Variants in CXXC4 observed in about 807,000 individuals in gnomAD.
The protein encoded by CXXC4 is CXXC finger protein 4.
A neutral mutation model predicts 20.5 loss-of-function variants in CXXC4; 5 were observed. The ratio of observed to expected loss-of-function variants is 0.24; its 90% confidence interval spans 0.13 to 0.51. The LOEUF (loss-of-function observed/expected upper bound fraction) is 0.51. CXXC4 is among the 20% of genes least tolerant of loss of function. The pLI is 0.97. For synonymous variants in CXXC4, 250 were observed against 216.4 expected (o/e 1.16, Z -1.36); for missense variants, 419 against 496.4 (o/e 0.84, Z 1.48).
At chr4:104,478,820 A>G (rs546222789) in intron 2 of CXXC4, among the ~76,000 whole-genome samples, 3 of 152,266 alleles carry the variant, frequency 2.0e-5, no homozygotes, top group African/African-American at 4.8e-5. Context: ...GAAAATTAGA[A>G]GTAAAATTAA....
intron 2 of CXXC4, among the ~76,000 whole-genome samples, chr4:104,484,126 G>A (rs758054866): frequency 3.9e-5 from 6 of 151,928 alleles, no homozygotes; most frequent in Non-Finnish European, 5.9e-5. Context: ...AAATACAGTT[G>A]CCTTATTCTC....
intron 2 of CXXC4, among the ~76,000 whole-genome samples, chr4:104,480,056 T>C (rs919695666): frequency 2.6e-5 from 4 of 152,190 alleles, no homozygotes; most frequent in African/African-American, 9.7e-5. Context: ...AGATAAATAC[T>C]ATTAAGCATT....
intron 2 of CXXC4, among the ~76,000 whole-genome samples, chr4:104,480,864 CCCTT>C (rs201051323): frequency 0.037 from 5,508 of 147,068 alleles, 321 homozygotes; most frequent in African/African-American, 0.13. Context: ...CTCCCTCCCT[CCCTT>C]CCTTCCTTCC....
Position 104,491,022 on chromosome 4 carries a change from C to CG in CXXC4, c.780dup (p.Ala261ArgfsTer79). The CG allele has an allele frequency of 6.2e-7, 1 of 1,613,904 alleles. No individual in the cohort carries two copies. The highest frequency in any genetic ancestry group is 1.1e-5 in the South Asian group (1 of 91,076). On this transcript the variant is annotated frameshift_variant, in exon 2 of 3. Coordinates refer to ENST00000394767, the MANE Select transcript of CXXC4 (RefSeq NM_025212.4). LOFTEE classifies it high-confidence loss of function. ...TCTGTGACGGCTGCTGAGGCTGCTGCGGGGGAGTGAAGGGCTGTCATGACG... is the reference window on the plus strand; with the variant it reads ...TCTGTGACGGCTGCTGAGGCTGCTGCGGGGGGAGTGAAGGGCTGTCATGACG...
At chr4:104,481,262 G>C (rs1160617987) in intron 2 of CXXC4, among the ~76,000 whole-genome samples, 1 of 152,176 alleles carries the variant, frequency 6.6e-6, no homozygotes, top group Non-Finnish European at 1.5e-5. Context: ...GGGTGTTGTG[G>C]CTCACGCCTA....
chr4:104,476,168 A>C (rs1736398575), intron 2 of CXXC4, among the ~76,000 whole-genome samples: 1 of 152,182 alleles, frequency 6.6e-6, no homozygotes, highest in African/African-American at 2.4e-5. Context: ...TTTTAAAAAA[A>C]TTTAAAATTT....
rs1736866446 is a variant in CXXC4, at chr4:104,491,422, CCCGCCTCCGCCGCCGCCG to C, written c.363_380del (p.Gly129_Gly134del). On this transcript the variant is annotated inframe_deletion, in exon 2 of 3. Transcript: ENST00000394767. ...TCCTGCCGCCCCCACCACCCCCGCC[CCCGCCTCCGCCGCCGCCG>C]CCGCCGCCGCCACCCCCCCCGCCGC... The C allele has an allele frequency of 1.0e-6, 1 of 982,110 alleles. No individual in the cohort carries two copies. The highest frequency in any genetic ancestry group is 4.7e-5 in the Admixed American group (1 of 21,150). 60.8% of individuals were successfully genotyped at this position (982,110 alleles called of 1,614,324 possible). A position where few individuals can be genotyped will look rare whatever the true frequency, so the allele number is the denominator to read the frequency against.
chr4:104,484,834 T>C (rs575704055), intron 2 of CXXC4, among the ~76,000 whole-genome samples: 1 of 152,128 alleles, frequency 6.6e-6, no homozygotes, highest in South Asian at 2.1e-4. Flanking sequence ...TGATGCTGAA[T>C]GGAGGGAGGC....
chr4:104,483,892 A>G (rs1736617283), intron 2 of CXXC4, among the ~76,000 whole-genome samples: 1 of 152,020 alleles, frequency 6.6e-6, no homozygotes, highest in African/African-American at 2.4e-5. Context: ...CACCATATTG[A>G]CTGACTTCAC....
chr4:104,473,343 T>C (rs936412635), intron 2 of CXXC4, among the ~76,000 whole-genome samples: 10 of 151,814 alleles, frequency 6.6e-5, no homozygotes, highest in African/African-American at 2.4e-4. Flanking sequence ...ATTGTAAACA[T>C]ACTATAAATG....
intron 2 of CXXC4, among the ~76,000 whole-genome samples, chr4:104,486,455 G>GT (rs994363735): frequency 2.0e-5 from 3 of 151,922 alleles, no homozygotes; most frequent in South Asian, 2.1e-4. Context: ...AAATTGAGGT[G>GT]TTTTTTCCTA....
In CXXC4 at chr4:104,471,113, C is replaced by T. The variant is rs1311081159; in HGVS notation, c.*1209G>A. The T allele has an allele frequency of 2.0e-5, 3 of 151,906 alleles. No homozygotes were observed. The East Asian group carries it at 5.8e-4, about 29-fold the overall frequency. 9.4% of individuals were successfully genotyped at this position (151,906 alleles called of 1,614,324 possible). ...GAAGACCACTAGTCCAACTGGGTGG[C>T]TATGAGAAAAGAAAATAAAAAGAGA... On this transcript the variant is annotated 3_prime_UTR_variant, in exon 3 of 3. Transcript: ENST00000394767.
chr4:104,487,128 A>T (rs1294038149), intron 2 of CXXC4, among the ~76,000 whole-genome samples: 1 of 152,160 alleles, frequency 6.6e-6, no homozygotes, highest in Non-Finnish European at 1.5e-5. Flanking sequence ...AAATGGAACC[A>T]TCCTTCTTCC....
chr4:104,490,379 G>A (rs1292557440), intron 2 of CXXC4, among the ~76,000 whole-genome samples: 1 of 152,218 alleles, frequency 6.6e-6, no homozygotes, highest in Non-Finnish European at 1.5e-5. Flanking sequence ...AGGATGTGAT[G>A]TGTCCAGTCC....
chr4:104,478,940 A>G (rs1370806325), intron 2 of CXXC4, among the ~76,000 whole-genome samples: 7 of 152,056 alleles, frequency 4.6e-5, no homozygotes, highest in African/African-American at 1.7e-4. Flanking sequence ...GCATGTATAT[A>G]TATGTATAAA....
intron 2 of CXXC4, among the ~76,000 whole-genome samples, chr4:104,474,618 G>A (rs1378185751): frequency 6.6e-6 from 1 of 151,892 alleles, no homozygotes; most frequent in Non-Finnish European, 1.5e-5. Flanking sequence ...TGCAATTATA[G>A]ATCTATGGTT....
intron 2 of CXXC4, among the ~76,000 whole-genome samples, chr4:104,487,269 C>T (rs555097886): frequency 1.1e-4 from 16 of 152,182 alleles, no homozygotes; most frequent in African/African-American, 2.9e-4. Flanking sequence ...GAAGGGAAAC[C>T]TCCTGAGGCA....
Position 104,469,900 on chromosome 4 carries a change from T to A in CXXC4, c.*2422A>T, listed in dbSNP as rs1365844585. On this transcript the variant is annotated 3_prime_UTR_variant, in exon 3 of 3. Transcript: ENST00000394767. ...GTTTACAATATACAGATTCATTAGT[T>A]CTTTTAGAAAGCAAACAAACAAAAG... The A allele has an allele frequency of 6.6e-6, 1 of 152,052 alleles. No homozygotes were observed. The highest frequency in any genetic ancestry group is 1.5e-5 in the Non-Finnish European group (1 of 67,980). The allele number at this position is 152,052 out of a possible 1,614,324, so 9.4% of individuals were successfully genotyped here. A position where few individuals can be genotyped will look rare whatever the true frequency, so the allele number is the denominator to read the frequency against.
intron 2 of CXXC4, among the ~76,000 whole-genome samples, chr4:104,473,098 T>A (rs570625818): frequency 6.6e-6 from 1 of 151,692 alleles, no homozygotes; most frequent in Admixed American, 6.6e-5. Context: ...AAAGCTGATG[T>A]TCAAAATTCA....
Sources: gnomAD v4.1 joint callset for allele counts (sites outside exome capture counted in the v4.1 genomes callset) on GRCh38, gnomAD v4.1.1 for gene constraint, MANE v1.5 for transcripts, NCBI Gene and HGNC (gene_info 2026-07-23, HGNC 2026-07-21) for gene names.